The following TAFA1 variants were observed in gnomAD, a reference collection of about 807,000 sequenced individuals.
The protein encoded by TAFA1 is TAFA chemokine like family member 1.
In TAFA1, 4 loss-of-function variants were observed where a neutral mutation model predicts 18.5. That is an observed-to-expected ratio of 0.22 (90% CI 0.11 to 0.49). The LOEUF is 0.49. TAFA1 is among the 20% of genes least tolerant of loss of function. TAFA1 has a pLI of 0.98. For synonymous variants in TAFA1, 56 were observed against 55.2 expected, an observed-to-expected ratio of 1.01 and a Z score of -0.06; for missense variants, 147 against 169.0, an observed-to-expected ratio of 0.87 and a Z score of 0.72.
intron 2 of TAFA1, among the ~76,000 whole-genome samples, chr3:68,375,127 C>G (rs2069783942): frequency 6.6e-6 from 1 of 151,930 alleles, no homozygotes; most frequent in Non-Finnish European, 1.5e-5. Context: ...TTTGTGTGTT[C>G]CCACCTGAAC....
chr3:68,462,394 G>A (rs1389108899), intron 3 of TAFA1, among the ~76,000 whole-genome samples: 1 of 152,002 alleles, frequency 6.6e-6, no homozygotes, highest in African/African-American at 2.4e-5. Context: ...TCATAAATGG[G>A]AGTTCCTCTG....
chr3:68,150,235 G>A (rs552296476), intron 2 of TAFA1, among the ~76,000 whole-genome samples: 2 of 152,236 alleles, frequency 1.3e-5, no homozygotes, highest in African/African-American at 2.4e-5. Flanking sequence ...ATACAAAGAC[G>A]AATGAAGCTG....
At chr3:68,518,022 C>T (rs1164478100) in intron 3 of TAFA1, among the ~76,000 whole-genome samples, 3 of 152,142 alleles carry the variant, frequency 2.0e-5, no homozygotes, top group Non-Finnish European at 4.4e-5. Flanking sequence ...CTAACTCATA[C>T]CTCTGGGTCA....
At chr3:68,091,082 ATGT>A (rs1370604079) in intron 2 of TAFA1, among the ~76,000 whole-genome samples, 1 of 152,180 alleles carries the variant, frequency 6.6e-6, no homozygotes, top group Non-Finnish European at 1.5e-5. Flanking sequence ...TCGTTGTCTA[ATGT>A]TGTTCTAATC....
chr3:68,195,269 A>T (rs1027972903), intron 2 of TAFA1, among the ~76,000 whole-genome samples: 1 of 150,206 alleles, frequency 6.7e-6, no homozygotes, highest in Admixed American at 6.7e-5. Context: ...CTTAAGGGAT[A>T]AGTCTGTGCC....
intron 3 of TAFA1, among the ~76,000 whole-genome samples, chr3:68,458,569 C>G (rs927444788): frequency 6.6e-6 from 1 of 152,136 alleles, no homozygotes; most frequent in Non-Finnish European, 1.5e-5. Flanking sequence ...GAATCCAGTA[C>G]TAAGACACAG....
At chr3:68,489,741 C>G (rs2072415774) in intron 3 of TAFA1, among the ~76,000 whole-genome samples, 1 of 152,142 alleles carries the variant, frequency 6.6e-6, no homozygotes, top group South Asian at 2.1e-4. Context: ...GTTTTATTTG[C>G]TGCCATATGC....
intron 2 of TAFA1, among the ~76,000 whole-genome samples, chr3:68,142,128 G>C (rs1036244738): frequency 1.3e-5 from 2 of 152,188 alleles, no homozygotes; most frequent in East Asian, 3.9e-4. Context: ...AAAAAGAAGA[G>C]AGATTATCTC....
At chr3:68,487,393 A>G (rs532093244) in intron 3 of TAFA1, among the ~76,000 whole-genome samples, 8 of 152,226 alleles carry the variant, frequency 5.3e-5, no homozygotes, top group South Asian at 2.1e-4. Flanking sequence ...TTTATGATTC[A>G]TAAGTCATCG....
At chr3:68,313,947 G>C (rs2068563931) in intron 2 of TAFA1, among the ~76,000 whole-genome samples, 1 of 152,106 alleles carries the variant, frequency 6.6e-6, no homozygotes, top group Non-Finnish European at 1.5e-5. Flanking sequence ...TTACATGTTT[G>C]ATTATAAAAA....
chr3:68,212,072 G>A (rs1027558908), intron 2 of TAFA1, among the ~76,000 whole-genome samples: 1 of 151,952 alleles, frequency 6.6e-6, no homozygotes, highest in Non-Finnish European at 1.5e-5. Context: ...GTAAGTGGAG[G>A]TTACCTAGGA....
intron 2 of TAFA1, among the ~76,000 whole-genome samples, chr3:68,025,323 C>A (rs1423206231): frequency 6.6e-6 from 1 of 152,170 alleles, no homozygotes; most frequent in African/African-American, 2.4e-5. Context: ...ACCTCTATTG[C>A]TGTCACCCTG....
intron 2 of TAFA1, among the ~76,000 whole-genome samples, chr3:68,124,984 T>C (rs2065446597): frequency 6.6e-6 from 1 of 152,214 alleles, no homozygotes; most frequent in Non-Finnish European, 1.5e-5. Context: ...AAAATCGTCA[T>C]CCACTTGGCG....
chr3:68,433,788 G>A (rs984778687), intron 3 of TAFA1, among the ~76,000 whole-genome samples: 8 of 152,148 alleles, frequency 5.3e-5, no homozygotes, highest in Non-Finnish European at 1.0e-4. Flanking sequence ...AGAAATGCAT[G>A]TAGAGCACTT....
At chr3:68,217,756 A>G (rs2066677149) in intron 2 of TAFA1, among the ~76,000 whole-genome samples, 1 of 152,020 alleles carries the variant, frequency 6.6e-6, no homozygotes, top group Non-Finnish European at 1.5e-5. Context: ...TATGACAATT[A>G]AGATAACGTG....
the TAFA1 span, among the ~76,000 whole-genome samples, chr3:67,996,920 A>G: frequency 5.9e-5 from 9 of 152,226 alleles, no homozygotes; most frequent in Non-Finnish European, 1.2e-4. Flanking sequence ...ATAGAGAAAT[A>G]TGACACAGAA....
chr3:68,356,459 G>T (rs1006914070), intron 2 of TAFA1, among the ~76,000 whole-genome samples: 2 of 151,790 alleles, frequency 1.3e-5, no homozygotes, highest in Admixed American at 6.6e-5. Flanking sequence ...ACAATCTCAG[G>T]TACAGTAAAA....
At chr3:68,158,794 A>C (rs566148564) in intron 2 of TAFA1, among the ~76,000 whole-genome samples, 1 of 152,318 alleles carries the variant, frequency 6.6e-6, no homozygotes, top group African/African-American at 2.4e-5. Flanking sequence ...TTTAATTGAA[A>C]TAAATGCAAG....
intron 2 of TAFA1, among the ~76,000 whole-genome samples, chr3:68,213,964 A>G (rs1236085701): frequency 2.0e-5 from 3 of 152,086 alleles, no homozygotes; most frequent in Middle Eastern, 3.2e-3. Context: ...AAGACTATAT[A>G]CAGAAGAGTT....
Sources: gnomAD v4.1 joint callset for allele counts (sites outside exome capture counted in the v4.1 genomes callset) on GRCh38, gnomAD v4.1.1 for gene constraint, MANE v1.5 for transcripts, NCBI Gene and HGNC (gene_info 2026-07-23, HGNC 2026-07-21) for gene names.